PMEL: variants seen among roughly 807,000 people sequenced by gnomAD.
PMEL encodes the protein premelanosome protein, also known as melanocyte protein PMEL.
In PMEL, 53 loss-of-function variants were observed where a neutral mutation model predicts 64.9. That is an observed-to-expected ratio of 0.82 (90% CI 0.66 to 1.03). The LOEUF (loss-of-function observed/expected upper bound fraction) is 1.03, where lower values mean the gene tolerates loss of function less well. Among genes scored for constraint, PMEL ranks in the 50% least tolerant of loss-of-function variants. PMEL has a pLI of 0.00. For missense variants in PMEL, 716 were observed against 814.9 expected (o/e 0.88, Z 1.48); for synonymous variants, 299 against 316.2 (o/e 0.95, Z 0.58).
In PMEL at chr12:55,960,453, G is replaced by A. The variant is rs557458616; in HGVS notation, c.334+864C>T. Among the ~76,000 whole-genome samples, 24 of 150,590 alleles carry A rather than the reference G, an allele frequency of 1.6e-4. No individual in the cohort carries two copies. In the South Asian group the frequency reaches 4.8e-3, roughly 30 times the overall value. On this transcript the variant is annotated intron_variant, in intron 3 of 10. Coordinates refer to ENST00000548747, the MANE Select transcript of PMEL (RefSeq NM_001384361.1). Reference sequence around the variant, plus strand: ...TACAGTGGCGTGATCATGCAGTCTCGACCTCCCAGGCTCATGATCCTCCCA... The same window carrying A: ...TACAGTGGCGTGATCATGCAGTCTCAACCTCCCAGGCTCATGATCCTCCCA...
chr12:55,955,860 C>A lies in PMEL; in HGVS notation c.1475G>T (p.Gly492Val), dbSNP rs1259626186. Reference sequence around the variant, plus strand: ...CTGCAGGATCTCGGCACTTTCAATACCCTCTGCAGAGTTGCAAGCTTATCA... The same window carrying A: ...CTGCAGGATCTCGGCACTTTCAATAACCTCTGCAGAGTTGCAAGCTTATCA... ...SFSVTLDIVQ[G>V]IESAEILQAV... The change falls in exon 8 of 11, where the codon GGT becomes GTT. Residue 492 changes from glycine (G) to valine (V), a missense_variant. By Grantham distance (109) the Gly-to-Val change is moderately radical. Transcript: ENST00000548747. 3.1e-6 allele frequency: 5 copies of A among 1,613,542 alleles called. No homozygotes were observed. Among genetic ancestry groups the A allele is most frequent in the Admixed American group, 1.7e-5 (1 of 59,996 alleles).
chr12:55,961,865 T>G, intron 1 of PMEL, 133 bp from the exon 2 acceptor site: 1 of 613,708 alleles, frequency 1.6e-6, no homozygotes, highest in East Asian at 2.8e-5. Context: ...AGATGGAGTT[T>G]CGCTCTTGTT....
rs1888853128 is a variant in PMEL at position 55,955,764 on chromosome 12, T to G, written c.1556+15A>C. On this transcript the variant is annotated intron_variant, in intron 8 of 10. Transcript: ENST00000548747. Reference sequence around the variant, plus strand: ...GTCAACCAAAGAGTTACCAGCACACTAGTGAGACACTCACCCGCCTTGGCA... The same window carrying G: ...GTCAACCAAAGAGTTACCAGCACACGAGTGAGACACTCACCCGCCTTGGCA... 6.2e-7 allele frequency: 1 copy of G among 1,610,722 alleles called. No individual in the cohort carries two copies. Among genetic ancestry groups the G allele is most frequent in the South Asian group, 1.1e-5 (1 of 91,010 alleles).
intron 1 of PMEL, among the ~76,000 whole-genome samples, chr12:55,962,516 CTTTTTTTTTTT>C (rs1161956723): frequency 1.4e-5 from 1 of 73,166 alleles, no homozygotes; most frequent in East Asian, 4.5e-4. Flanking sequence ...TATTATTACT[CTTTTTTTTTTT>C]TTTTTTTTTT....
In PMEL at chr12:55,955,450, G is replaced by A. The variant is rs944624426; in HGVS notation, c.1762+14C>T. The A allele has an allele frequency of 6.2e-7, 1 of 1,613,686 alleles. No homozygotes were observed. The highest frequency in any genetic ancestry group is 8.5e-7 in the Non-Finnish European group (1 of 1,179,674). On this transcript the variant is annotated intron_variant, in intron 9 of 10. Transcript: ENST00000548747. ...CACTCCCTTCCTCATCTTAGCTCTT[G>A]TCCAAGGACCTACCAGGCATGATAA... is the stretch of plus-strand genomic sequence containing the variant.
rs17118152 is a variant in PMEL at position 55,956,932 on chromosome 12, C to T, written c.1354+17G>A. 3.6e-3 allele frequency: 5,738 copies of T among 1,610,448 alleles called. 166 individuals carry two copies. The African/African-American group carries it at 0.062, about 17-fold the overall frequency. On this transcript the variant is annotated intron_variant, in intron 6 of 10. Transcript: ENST00000548747. Reference sequence around the variant, plus strand: ...GTACCCCACCTCCGTGAACCTCATTCGCACTGATACTCTTACCTGTAATAC... The same window carrying T: ...GTACCCCACCTCCGTGAACCTCATTTGCACTGATACTCTTACCTGTAATAC...
In PMEL at chr12:55,954,114, G is replaced by A; in HGVS notation, c.*100C>T. ...AACAGAAAAACCAGCATCAGGCTCT[G>A]AGTATTTATTTCAGTTAATAGTAGT... On this transcript the variant is annotated 3_prime_UTR_variant, in exon 11 of 11. Coordinates refer to ENST00000548747, the MANE Select transcript of PMEL (RefSeq NM_001384361.1). The A allele has an allele frequency of 2.6e-6, 3 of 1,163,500 alleles. No individual in the cohort carries two copies. Among genetic ancestry groups the A allele is most frequent in the Non-Finnish European group, 3.6e-6 (3 of 824,314 alleles). The allele number at this position is 1,163,500 out of a possible 1,614,324, so 72.1% of individuals were successfully genotyped here. A position where few individuals can be genotyped will look rare whatever the true frequency, so the allele number is the denominator to read the frequency against.
rs774380953 is a variant in PMEL, at chr12:55,957,605, A to G, written c.698T>C (p.Leu233Pro). The G allele has an allele frequency of 6.2e-7, 1 of 1,613,672 alleles. No individual in the cohort carries two copies. The highest frequency in any genetic ancestry group is 8.5e-7 in the Non-Finnish European group (1 of 1,179,928). ...RALDGGNKHFLRNQPLTFALQ... is the reference protein window; with the variant it reads ...RALDGGNKHFPRNQPLTFALQ... ...GGCAAAGGTCAGAGGCTGATTTCTC[A>G]GGAAGTGCTTGTTCCCTCCATCCAA... The change falls in exon 6 of 11, where the codon CTG (leucine) becomes CCG (proline). Residue 233 changes from leucine (L) to proline (P), a missense_variant. Transcript: ENST00000548747.
rs146080065 is a variant in PMEL, at chr12:55,957,499, G to C, written c.804C>G (p.Thr268=). 5.8e-5 allele frequency: 94 copies of C among 1,613,958 alleles called. 2 individuals are homozygous for C. The African/African-American group carries it at 1.1e-3, about 19-fold the overall frequency. Residue 268 remains threonine (T), a synonymous_variant, in exon 6 of 11, where the codon ACC becomes ACG. Coordinates refer to ENST00000548747, the MANE Select transcript of PMEL (RefSeq NM_001384361.1). ...TGACCACAAGTGCCCGAGAGATCAG[G>C]GTTCCACTACTGTCTCCAAAGTCCC... ...YTWDFGDSSG[T]LISRALVVTH...
Position 55,961,745 on chromosome 12 carries a change from T to A in PMEL, c.77-13A>T. Reference sequence around the variant, plus strand: ...TGGTTTCTGGGTACTAAAAGGAATGTGCCATGAAGGGCCCTAGGATCCTTT... The same window carrying A: ...TGGTTTCTGGGTACTAAAAGGAATGAGCCATGAAGGGCCCTAGGATCCTTT... On this transcript the variant is annotated splice_polypyrimidine_tract_variant and intron_variant, in intron 1 of 10. Transcript: ENST00000548747. 6.4e-7 allele frequency: 1 copy of A among 1,572,398 alleles called. No individual in the cohort carries two copies. The highest frequency in any genetic ancestry group is 1.1e-5 in the South Asian group (1 of 90,244).
intron 4 of PMEL, 175 bp from the exon 5 acceptor site, chr12:55,958,259 TG>T: frequency 1.3e-6 from 1 of 776,170 alleles, no homozygotes; most frequent in Non-Finnish European, 2.0e-6. Flanking sequence ...AGGCATTCCA[TG>T]GGGTAGGACT....
At chr12:55,958,382 T>A in intron 4 of PMEL, 91 bp downstream of exon 4, 1 of 1,310,448 alleles carries the variant, frequency 7.6e-7, no homozygotes, top group East Asian at 2.3e-5. Flanking sequence ...ATCACAGAAG[T>A]TAAGGTGGAA....
At chr12:55,966,632 C>T, upstream of PMEL, 1 of 1,045,566 alleles carries the variant, frequency 9.6e-7, no homozygotes, top group Non-Finnish European at 1.2e-6. Flanking sequence ...TGTTCAGCCG[C>T]CCCACCGGGG....
intron 3 of PMEL, among the ~76,000 whole-genome samples, chr12:55,960,247 A>AAAAG (rs1889050284): frequency 4.1e-5 from 6 of 146,304 alleles, no homozygotes; most frequent in African/African-American, 1.3e-4. Context: ...AAAAGAAAAG[A>AAAAG]AAAAAAAAGA....
chr12:55,955,326 C>T lies in PMEL; in HGVS notation c.1798G>A (p.Val600Met), dbSNP rs746474705. 4.3e-5 allele frequency: 69 copies of T among 1,614,076 alleles called. No individual in the cohort carries two copies. The highest frequency in any genetic ancestry group is 1.5e-4 in the South Asian group (14 of 91,094). ...GCCATCAACACCAGCAAGATGCCCA[C>T]GATCAGCGGAACCTGCCCAAGGCCT... Reference protein sequence around the residue: ...EAGLGQVPLIVGILLVLMAVV... With the variant: ...EAGLGQVPLIMGILLVLMAVV... The change falls in exon 10 of 11, where the codon GTG (valine) becomes ATG (methionine). Residue 600 changes from valine (V) to methionine (M), a missense_variant. Coordinates refer to ENST00000548747, the MANE Select transcript of PMEL (RefSeq NM_001384361.1).
chr12:55,957,152 A>G lies in PMEL; in HGVS notation c.1151T>C (p.Val384Ala). ...MTPEKVPVSE[V>A]MGTTLAEMST... ...CATCTCTGCCAGTGTGGTACCCATG[A>G]CCTCTGAAACTGGCACCTTCTCAGG... Residue 384 changes from valine to alanine, a missense_variant, in exon 6 of 11, where the codon GTC (valine) becomes GCC (alanine). Coordinates refer to ENST00000548747, the MANE Select transcript of PMEL (RefSeq NM_001384361.1). 6.2e-7 allele frequency: 1 copy of G among 1,614,050 alleles called. No homozygotes were observed.
At chr12:55,961,517 C>T (rs879200709) in intron 2 of PMEL, 54 bp from the exon 3 acceptor site, 31 of 1,605,888 alleles carry the variant, frequency 1.9e-5, no homozygotes, top group South Asian at 1.6e-4. Flanking sequence ...TCCCTGTATA[C>T]GTTTCCCCTC....
At chr12:55,963,898 T>G (rs1018353059) in intron 1 of PMEL, among the ~76,000 whole-genome samples, 1 of 149,806 alleles carries the variant, frequency 6.7e-6, no homozygotes, top group African/African-American at 2.5e-5. Context: ...CCCTCTCCTC[T>G]CCTTTCTGTA....
chr12:55,961,814 C>A, intron 1 of PMEL, 82 bp from the exon 2 acceptor site: 102 of 762,342 alleles, frequency 1.3e-4, no homozygotes, highest in Non-Finnish European at 2.1e-4. Context: ...TCACTCCATT[C>A]ATTCTCACAT....
Sources: allele counts gnomAD v4.1 joint callset (sites outside exome capture counted in the v4.1 genomes callset), GRCh38; gene constraint gnomAD v4.1.1; transcripts MANE v1.5; gene names NCBI Gene and HGNC (gene_info 2026-07-23, HGNC 2026-07-21).